The following CDH18 variants were observed in gnomAD, a reference collection of about 807,000 sequenced individuals.
CDH18 encodes cadherin-18.
A neutral mutation model predicts 67.9 loss-of-function variants in CDH18; 31 were observed. The ratio of observed to expected loss-of-function variants is 0.46; its 90% CI spans 0.34 to 0.62. CDH18 has a LOEUF of 0.62. Ranked by LOEUF, CDH18 falls within the 20% of genes least tolerant of loss-of-function variation. CDH18 has a pLI of 0.01. For missense variants in CDH18, 890 were observed against 975.5 expected (o/e 0.91, Z 1.17); for synonymous variants, 362 against 347.2 (o/e 1.04, Z -0.48).
At chr5:19,530,113 C>T (rs1748357803) in intron 9 of CDH18, among the ~76,000 whole-genome samples, 1 of 151,850 alleles carries the variant, frequency 6.6e-6, no homozygotes, top group Non-Finnish European at 1.5e-5. Context: ...CAATGAGAGC[C>T]CAGAAATTGA....
intron 1 of CDH18, among the ~76,000 whole-genome samples, chr5:20,430,825 A>G (rs1355591157): frequency 1.3e-5 from 2 of 152,186 alleles, no homozygotes; most frequent in Non-Finnish European, 2.9e-5. Context: ...TCAAATCAGA[A>G]TCTTTCAGAT....
At chr5:19,944,961 C>G (rs1795154292) in intron 2 of CDH18, among the ~76,000 whole-genome samples, 1 of 152,060 alleles carries the variant, frequency 6.6e-6, no homozygotes, top group Non-Finnish European at 1.5e-5. Context: ...TCATCAGCAC[C>G]AAAATAAAAA....
intron 1 of CDH18, among the ~76,000 whole-genome samples, chr5:20,355,719 T>G (rs760825399): frequency 8.5e-5 from 13 of 152,244 alleles, no homozygotes; most frequent in Non-Finnish European, 1.8e-4. Context: ...TACTTTTGTA[T>G]ATTTATAGCT....
intron 1 of CDH18, among the ~76,000 whole-genome samples, chr5:20,563,397 A>G (rs1758328274): frequency 6.6e-6 from 1 of 152,130 alleles, no homozygotes; most frequent in South Asian, 2.1e-4. Flanking sequence ...GAATAGGAAT[A>G]TACTTTTATA....
chr5:19,922,153 A>T (rs1241649102), intron 2 of CDH18, among the ~76,000 whole-genome samples: 1 of 152,172 alleles, frequency 6.6e-6, no homozygotes, highest in Non-Finnish European at 1.5e-5. Flanking sequence ...GTTTGTAAGG[A>T]GACTGAATTT....
intron 1 of CDH18, among the ~76,000 whole-genome samples, chr5:20,286,285 AGGTGATT>A (rs1746689633): frequency 9.2e-5 from 14 of 151,812 alleles, no homozygotes; most frequent in African/African-American, 3.4e-4. Context: ...ACATTTAGTT[AGGTGATT>A]TGTTACACAT....
intron 2 of CDH18, among the ~76,000 whole-genome samples, chr5:19,855,512 T>C (rs188124310): frequency 1.3e-5 from 2 of 152,250 alleles, no homozygotes. Context: ...TTTTAAGCAA[T>C]ACATTTTTAT....
chr5:19,663,984 C>T lies in CDH18; in HGVS notation c.644-51383G>A, dbSNP rs140253423. Reference sequence around the variant, plus strand: ...GAAAAAATATTTTATAAGAAGATGACGGGTTTATATAACAGTAGAGTACAT... The same window carrying T: ...GAAAAAATATTTTATAAGAAGATGATGGGTTTATATAACAGTAGAGTACAT... On this transcript the variant is annotated intron_variant, in intron 5 of 12. Coordinates refer to ENST00000382275, the MANE Select transcript of CDH18 (RefSeq NM_004934.5). Among the ~76,000 whole-genome samples the T allele has an allele frequency of 2.4e-3, 366 of 151,404 alleles. 1 individual carries two copies. The highest frequency in any genetic ancestry group is 8.3e-3 in the African/African-American group (343 of 41,328).
intron 1 of CDH18, among the ~76,000 whole-genome samples, chr5:20,561,443 A>C (rs750810717): frequency 2.6e-5 from 4 of 152,116 alleles, no homozygotes; most frequent in Non-Finnish European, 5.9e-5. Flanking sequence ...ATGAGCTATC[A>C]AACCAAAAAG....
At chr5:19,703,128 T>C (rs375883038) in intron 5 of CDH18, among the ~76,000 whole-genome samples, 15 of 152,286 alleles carry the variant, frequency 9.8e-5, no homozygotes, top group African/African-American at 3.4e-4. Flanking sequence ...TTTCTCTGTG[T>C]GTGTGTGTCT....
intron 4 of CDH18, among the ~76,000 whole-genome samples, chr5:19,726,846 T>C (rs1401464638): frequency 2.0e-5 from 3 of 151,986 alleles, no homozygotes; most frequent in African/African-American, 7.3e-5. Context: ...GAGGGTAGGG[T>C]TTTTGCAAAT....
chr5:19,762,476 C>A (rs1257371266), intron 3 of CDH18, among the ~76,000 whole-genome samples: 1 of 152,154 alleles, frequency 6.6e-6, no homozygotes, highest in Non-Finnish European at 1.5e-5. Context: ...ATGCAGCCAA[C>A]AGACACATGA....
At chr5:19,993,363 A>G (rs1438289822) in intron 2 of CDH18, among the ~76,000 whole-genome samples, 2 of 152,192 alleles carry the variant, frequency 1.3e-5, no homozygotes. Context: ...GCAAAGCACC[A>G]CAATGAATGT....
intron 1 of CDH18, among the ~76,000 whole-genome samples, chr5:20,560,510 C>CACACACAA (rs1242868022): frequency 5.3e-5 from 8 of 150,506 alleles, no homozygotes; most frequent in Admixed American, 2.0e-4. Context: ...CACACACACA[C>CACACACAA]ACCCCTACAT....
intron 9 of CDH18, among the ~76,000 whole-genome samples, chr5:19,523,687 G>T (rs1747292679): frequency 6.6e-6 from 1 of 152,014 alleles, no homozygotes; most frequent in South Asian, 2.1e-4. Context: ...CCAAATGCTG[G>T]ATTGAATATA....
intron 5 of CDH18, among the ~76,000 whole-genome samples, chr5:19,631,875 C>T (rs1752467962): frequency 6.6e-6 from 1 of 151,940 alleles, no homozygotes. Context: ...ATGTTTTAGC[C>T]ATTTTTTTCT....
chr5:19,986,102 CTTTATA>C (rs1419130266), intron 1 of CDH18, among the ~76,000 whole-genome samples: 1 of 152,248 alleles, frequency 6.6e-6, no homozygotes, highest in Non-Finnish European at 1.5e-5. Flanking sequence ...ACAAAAAGTA[CTTTATA>C]TTTATAGCAG....
intron 1 of CDH18, among the ~76,000 whole-genome samples, chr5:20,476,157 C>T (rs1752426304): frequency 1.3e-5 from 2 of 152,088 alleles, no homozygotes; most frequent in Admixed American, 1.3e-4. Context: ...GGATGTTATC[C>T]ATAACAGACC....
intron 5 of CDH18, among the ~76,000 whole-genome samples, chr5:19,697,291 T>A (rs1484486258): frequency 6.6e-6 from 1 of 152,216 alleles, no homozygotes; most frequent in Non-Finnish European, 1.5e-5. Flanking sequence ...ACGGGCTATT[T>A]GGAATGAGAA....
Sources: allele counts gnomAD v4.1 joint callset (sites outside exome capture counted in the v4.1 genomes callset), GRCh38; gene constraint gnomAD v4.1.1; transcripts MANE v1.5; gene names NCBI Gene and HGNC (gene_info 2026-07-23, HGNC 2026-07-21).